The following SLC25A21 variants were observed in gnomAD, a reference collection of about 807,000 sequenced individuals.
SLC25A21 encodes mitochondrial 2-oxodicarboxylate carrier.
Under a neutral mutation model 43.8 loss-of-function variants are expected in SLC25A21, and 47 were observed. That is an observed-to-expected ratio of 1.07 (90% confidence interval 0.85 to 1.37). The LOEUF (loss-of-function observed/expected upper bound fraction) is 1.37. SLC25A21 is among the 40% of genes most tolerant of loss of function. The pLI is 0.00. For missense variants in SLC25A21, 352 were observed against 350.2 expected (o/e 1.00, Z -0.04); for synonymous variants, 131 against 121.3 (o/e 1.08, Z -0.52).
intron 9 of SLC25A21, among the ~76,000 whole-genome samples, chr14:36,683,405 C>G (rs933937114): frequency 1.3e-5 from 2 of 152,178 alleles, no homozygotes; most frequent in Non-Finnish European, 2.9e-5. Context: ...GGCAAGCTGT[C>G]CTCCTTTTCT....
intron 1 of SLC25A21, among the ~76,000 whole-genome samples, chr14:37,140,616 C>T (rs1963553941): frequency 6.6e-6 from 1 of 152,150 alleles, no homozygotes; most frequent in Admixed American, 6.5e-5. Context: ...TGATCATCAA[C>T]AATGTATCTA....
In SLC25A21 at chr14:36,679,202, G is replaced by C; in HGVS notation, c.*1456C>G. ...TTCTTTTTTTTCACAATTTTGTTTT[G>C]TTTTTAATGACCCTTTTATTGAATA... On this transcript the variant is annotated 3_prime_UTR_variant, in exon 10 of 10. Coordinates refer to ENST00000331299, the MANE Select transcript of SLC25A21 (RefSeq NM_030631.4). The C allele has an allele frequency of 1.0e-6, 1 of 984,556 alleles. No homozygotes were observed. The highest frequency in any genetic ancestry group is 1.2e-6 in the Non-Finnish European group (1 of 829,284). The allele number at this position is 984,556 out of a possible 1,614,324, so 61.0% of individuals were successfully genotyped here.
At chr14:36,884,995 T>C (rs371596736) in intron 1 of SLC25A21, among the ~76,000 whole-genome samples, 1 of 152,178 alleles carries the variant, frequency 6.6e-6, no homozygotes, top group East Asian at 1.9e-4. Context: ...CATTTGTCTA[T>C]TTTTGCTTTT....
intron 1 of SLC25A21, among the ~76,000 whole-genome samples, chr14:37,066,691 AGTATATGTGT>A (rs1962067591): frequency 2.0e-5 from 3 of 152,188 alleles, no homozygotes; most frequent in Admixed American, 2.0e-4. Flanking sequence ...TCATTTAAAA[AGTATATGTGT>A]GTATATACAT....
At chr14:36,779,363 A>ATC (rs1010919481) in intron 3 of SLC25A21, among the ~76,000 whole-genome samples, 1 of 144,516 alleles carries the variant, frequency 6.9e-6, no homozygotes, top group South Asian at 2.1e-4. Flanking sequence ...GGAATTATAT[A>ATC]TCTCTCTCTA....
intron 1 of SLC25A21, among the ~76,000 whole-genome samples, chr14:37,117,621 G>C (rs1038324956): frequency 2.0e-5 from 3 of 152,030 alleles, no homozygotes; most frequent in Admixed American, 6.6e-5. Flanking sequence ...CTCCACATGG[G>C]AATACAAAGA....
intron 1 of SLC25A21, among the ~76,000 whole-genome samples, chr14:36,935,637 G>C (rs1459213106): frequency 6.6e-6 from 1 of 152,022 alleles, no homozygotes; most frequent in Non-Finnish European, 1.5e-5. Flanking sequence ...TCATCTCCTT[G>C]AATATACCAG....
chr14:37,085,318 T>C (rs1962463644), intron 1 of SLC25A21, among the ~76,000 whole-genome samples: 1 of 152,190 alleles, frequency 6.6e-6, no homozygotes, highest in Non-Finnish European at 1.5e-5. Flanking sequence ...GTTAGATTAT[T>C]TATTTATTGC....
At chr14:36,947,336 CAA>C (rs1436517121) in intron 1 of SLC25A21, among the ~76,000 whole-genome samples, 1 of 152,176 alleles carries the variant, frequency 6.6e-6, no homozygotes, top group Non-Finnish European at 1.5e-5. Context: ...TAATTTAAAC[CAA>C]AGAGTCTTTC....
chr14:36,982,439 A>T (rs1294053933), intron 1 of SLC25A21, among the ~76,000 whole-genome samples: 1 of 152,214 alleles, frequency 6.6e-6, no homozygotes, highest in Non-Finnish European at 1.5e-5. Context: ...ACATGGAACA[A>T]AGAACAAAAT....
intron 3 of SLC25A21, among the ~76,000 whole-genome samples, chr14:36,735,543 A>G (rs970004205): frequency 2.6e-5 from 4 of 151,580 alleles, no homozygotes; most frequent in Non-Finnish European, 5.9e-5. Context: ...CCCAAGCTTC[A>G]CTCCAGCTCC....
chr14:36,781,546 T>A (rs1026964909), intron 3 of SLC25A21, among the ~76,000 whole-genome samples: 17 of 152,208 alleles, frequency 1.1e-4, no homozygotes, highest in African/African-American at 3.9e-4. Context: ...ATCTTATAGT[T>A]ATAACCATAT....
chr14:36,771,484 C>T (rs2138357418), intron 3 of SLC25A21, among the ~76,000 whole-genome samples: 1 of 152,100 alleles, frequency 6.6e-6, no homozygotes, highest in African/African-American at 2.4e-5. Context: ...GCTTGAGTGG[C>T]AATGAAATAC....
At chr14:37,144,993 T>C (rs1448525295) in intron 1 of SLC25A21, among the ~76,000 whole-genome samples, 1 of 152,042 alleles carries the variant, frequency 6.6e-6, no homozygotes, top group African/African-American at 2.4e-5. Flanking sequence ...TCTTAACTAC[T>C]CATATGTTTT....
chr14:37,087,678 A>G (rs543327491), intron 1 of SLC25A21, among the ~76,000 whole-genome samples: 1 of 152,338 alleles, frequency 6.6e-6, no homozygotes, highest in African/African-American at 2.4e-5. Context: ...ATCTTTGGTA[A>G]ATAGACCTCA....
At chr14:36,872,786 A>G (rs574085864) in intron 2 of SLC25A21, among the ~76,000 whole-genome samples, 77 of 152,328 alleles carry the variant, frequency 5.1e-4, no homozygotes, top group African/African-American at 1.9e-3. Flanking sequence ...AACAAAAAAG[A>G]TATAAAGCCC....
rs998316451 is a variant in SLC25A21, at chr14:37,103,749, A to G, written c.70+68532T>C. On this transcript the variant is annotated intron_variant, in intron 1 of 9. Transcript: ENST00000331299. Reference sequence around the variant, plus strand: ...GACTATCCAAAAGTCCCAAGCCTCAACTGTGCTTCAAATATCATGGCACAC... The same window carrying G: ...GACTATCCAAAAGTCCCAAGCCTCAGCTGTGCTTCAAATATCATGGCACAC... 3.3e-5 allele frequency among the ~76,000 whole-genome samples: 5 copies of G among 152,266 alleles called. No individual in the cohort carries two copies. In the East Asian group the frequency reaches 9.7e-4, roughly 29 times the overall value.
At chr14:36,977,380 T>C (rs1338761490) in intron 1 of SLC25A21, among the ~76,000 whole-genome samples, 1 of 152,200 alleles carries the variant, frequency 6.6e-6, no homozygotes, top group Non-Finnish European at 1.5e-5. Flanking sequence ...TAGTAAATGC[T>C]TGTGCTTGAA....
chr14:37,068,806 A>C (rs947088450), intron 1 of SLC25A21, among the ~76,000 whole-genome samples: 1 of 152,244 alleles, frequency 6.6e-6, no homozygotes, highest in East Asian at 1.9e-4. Flanking sequence ...AAGATCTATG[A>C]GCACAATCAT....
Sources: gnomAD v4.1 joint callset for allele counts (sites outside exome capture counted in the v4.1 genomes callset) on GRCh38, gnomAD v4.1.1 for gene constraint, MANE v1.5 for transcripts, NCBI Gene and HGNC (gene_info 2026-07-23, HGNC 2026-07-21) for gene names.